SUSD4: variants seen among roughly 807,000 people sequenced by gnomAD.
The protein encoded by SUSD4 is sushi domain containing 4.
Under a neutral mutation model 50.5 loss-of-function variants are expected in SUSD4, and 41 were observed. The ratio of observed to expected loss-of-function variants is 0.81; its 90% CI spans 0.63 to 1.05. The LOEUF is 1.05. Among genes scored for constraint, SUSD4 ranks in the 50% least tolerant of loss-of-function variants. The probability of loss-of-function intolerance (pLI) is 0.00; values close to 1 mark genes in which losing one functional copy is unlikely to be tolerated. For missense variants in SUSD4, 580 were observed against 634.7 expected, an observed-to-expected ratio of 0.91 and a Z score of 0.93; for synonymous variants, 257 against 257.3, an observed-to-expected ratio of 1.00 and a Z score of 0.01.
At chr1:223,291,619 T>C (rs1664499302) in intron 3 of SUSD4, among the ~76,000 whole-genome samples, 2 of 151,876 alleles carry the variant, frequency 1.3e-5, no homozygotes, top group African/African-American at 4.8e-5. Flanking sequence ...ATAAAATCAG[T>C]GTTAAGAGAA....
At chr1:223,232,419 G>A (rs1421327992) in intron 5 of SUSD4, among the ~76,000 whole-genome samples, 5 of 152,144 alleles carry the variant, frequency 3.3e-5, no homozygotes, top group Admixed American at 2.6e-4. Context: ...TTTTATGAAA[G>A]AGAAAAAGAG....
intron 2 of SUSD4, among the ~76,000 whole-genome samples, chr1:223,349,833 G>A (rs886940891): frequency 3.3e-5 from 5 of 152,154 alleles, no homozygotes; most frequent in Non-Finnish European, 5.9e-5. Flanking sequence ...ATTAACATTT[G>A]TCTTCCTTTC....
intron 5 of SUSD4, among the ~76,000 whole-genome samples, chr1:223,244,706 G>A (rs1350141053): frequency 6.6e-6 from 1 of 152,104 alleles, no homozygotes; most frequent in Non-Finnish European, 1.5e-5. Flanking sequence ...ATACAGGGTG[G>A]TAGGGAGCTG....
rs1239409764 is a variant in SUSD4 at position 223,224,862 on chromosome 1, C to CTTCTTT, written c.1062-1232_1062-1231insAAAGAA. Reference sequence around the variant, plus strand: ...GTAGCCAATAGAACTTGGTTTCTTCCTTTTTTTTTTTTTTTTTTTTTTTTT... The same window carrying CTTCTTT: ...GTAGCCAATAGAACTTGGTTTCTTCCTTCTTTTTTTTTTTTTTTTTTTTTTTTTTTT... On this transcript the variant is annotated intron_variant, in intron 7 of 8. Transcript: ENST00000366878. Among the ~76,000 whole-genome samples, 429 of 59,358 alleles carry CTTCTTT rather than the reference C, an allele frequency of 7.2e-3. 11 individuals are homozygous for CTTCTTT. The East Asian group carries it at 0.079, about 11-fold the overall frequency. 38.9% of individuals were successfully genotyped at this position (59,358 alleles called of 152,430 possible).
rs942199563 is a variant in SUSD4, at chr1:223,292,538, C to T, written c.262G>A (p.Gly88Arg). 6.4e-5 allele frequency: 103 copies of T among 1,614,004 alleles called. No individual in the cohort carries two copies. Among genetic ancestry groups the T allele is most frequent in the East Asian group, 2.7e-4 (12 of 44,892 alleles). ...TTTGTAGCGCCCTTCAGCTTGAATC[C>T]GTCTTGGCAGTGAAATCGGGCTACA... ...GSVARFHCQD[G>R]FKLKGATKRL... The change falls in exon 3 of 9, where the codon GGA (glycine) becomes AGA (arginine). Residue 88 changes from glycine to arginine, a missense_variant. Physicochemically the swap from Gly to Arg is moderately radical, Grantham distance 125. Coordinates refer to ENST00000366878, the MANE Select transcript of SUSD4 (RefSeq NM_017982.4).
intron 3 of SUSD4, among the ~76,000 whole-genome samples, chr1:223,277,445 C>G (rs2138967): frequency 0.83 from 125,622 of 151,996 alleles, 52,307 homozygotes; most frequent in African/African-American, 0.93. Flanking sequence ...TAACCAGGGA[C>G]CCTGGGACAA....
At chr1:223,284,522 T>TACAA (rs1664001073) in intron 3 of SUSD4, among the ~76,000 whole-genome samples, 1 of 152,216 alleles carries the variant, frequency 6.6e-6, no homozygotes, top group Non-Finnish European at 1.5e-5. Context: ...AGGGTTGCTG[T>TACAA]AGTAATTAAA....
chr1:223,248,976 G>C (rs969634644), intron 5 of SUSD4, among the ~76,000 whole-genome samples: 3 of 152,106 alleles, frequency 2.0e-5, no homozygotes, highest in Non-Finnish European at 4.4e-5. Flanking sequence ...ACAGCAGCGG[G>C]GAATGGCTGG....
chr1:223,238,195 A>G (rs1387339832), intron 5 of SUSD4, among the ~76,000 whole-genome samples: 2 of 151,118 alleles, frequency 1.3e-5, no homozygotes, highest in Admixed American at 1.3e-4. Context: ...AGTGATGTCC[A>G]CTCTTTCATT....
In SUSD4 at chr1:223,227,146, G is replaced by T. The variant is rs1332523171; in HGVS notation, c.1061+448C>A. Among the ~76,000 whole-genome samples the T allele has an allele frequency of 6.6e-6, 1 of 152,172 alleles. No individual in the cohort carries two copies. Among genetic ancestry groups the T allele is most frequent in the Non-Finnish European group, 1.5e-5 (1 of 68,028 alleles). On this transcript the variant is annotated intron_variant, in intron 7 of 8. Transcript: ENST00000366878. This position sits in a 1 kb window ranked among gnomAD's most constrained non-coding sequence, Gnocchi z 4.5. ...ATCAGAAAAGTCTTTTCTCCTTCCT[G>T]AGGCTTCTCAATGCATAACACTTTT...
intron 2 of SUSD4, among the ~76,000 whole-genome samples, chr1:223,350,252 C>T (rs561088654): frequency 2.0e-5 from 3 of 152,288 alleles, no homozygotes; most frequent in African/African-American, 7.2e-5. Flanking sequence ...TCCTGAGGGC[C>T]GGGACTGTAC....
At position 223,227,515 on chromosome 1, in the gene SUSD4, A is replaced by T. The variant is rs1659596413; in HGVS notation, c.1061+79T>A. ...CCTTTAGAGCTTCAACTTTTCACTCATCACTTTCTCCCTCTGCTGCTAAGG... is the reference window on the plus strand; with the variant it reads ...CCTTTAGAGCTTCAACTTTTCACTCTTCACTTTCTCCCTCTGCTGCTAAGG... On this transcript the variant is annotated intron_variant, in intron 7 of 8. Coordinates refer to ENST00000366878, the MANE Select transcript of SUSD4 (RefSeq NM_017982.4). This position sits in a 1 kb window ranked among gnomAD's most constrained non-coding sequence, Gnocchi z 4.5. 3 of 1,542,720 alleles carry T rather than the reference A, an allele frequency of 1.9e-6. No homozygotes were observed. The highest frequency in any genetic ancestry group is 2.6e-6 in the Non-Finnish European group (3 of 1,135,138).
At chr1:223,319,709 G>A (rs1488640324) in intron 2 of SUSD4, among the ~76,000 whole-genome samples, 1 of 152,182 alleles carries the variant, frequency 6.6e-6, no homozygotes, top group African/African-American at 2.4e-5. Flanking sequence ...TCTTTTCTGG[G>A]GGCATGTTTC....
At chr1:223,244,046 T>C (rs1660760134) in intron 5 of SUSD4, among the ~76,000 whole-genome samples, 3 of 152,212 alleles carry the variant, frequency 2.0e-5, no homozygotes, top group Admixed American at 2.0e-4. Flanking sequence ...AGTAAACGCA[T>C]AGATATTTAT....
At chr1:223,313,901 A>G (rs1327477826) in intron 2 of SUSD4, among the ~76,000 whole-genome samples, 1 of 152,144 alleles carries the variant, frequency 6.6e-6, no homozygotes, top group Non-Finnish European at 1.5e-5. Flanking sequence ...CATATGGTCT[A>G]AAAAGGAGAG....
At chr1:223,298,284 C>T (rs1046216544) in intron 2 of SUSD4, among the ~76,000 whole-genome samples, 1 of 152,194 alleles carries the variant, frequency 6.6e-6, no homozygotes, top group Non-Finnish European at 1.5e-5. Flanking sequence ...CACTGACAGT[C>T]CCAGGAGCTT....
chr1:223,321,756 C>T (rs1666586151), intron 2 of SUSD4, among the ~76,000 whole-genome samples: 1 of 152,156 alleles, frequency 6.6e-6, no homozygotes, highest in South Asian at 2.1e-4. Flanking sequence ...AAATAAAAAG[C>T]ATAGTATTAT....
intron 6 of SUSD4, among the ~76,000 whole-genome samples, chr1:223,228,097 G>T (rs545067378): frequency 6.6e-6 from 1 of 152,208 alleles, no homozygotes; most frequent in African/African-American, 2.4e-5. Context: ...ACCAAGGGGT[G>T]GGGGAGTGGG....
chr1:223,278,533 G>T (rs1444500664), intron 3 of SUSD4, among the ~76,000 whole-genome samples: 2 of 152,214 alleles, frequency 1.3e-5, no homozygotes, highest in African/African-American at 4.8e-5. Context: ...GCCCACCATT[G>T]CTGAGGCTTG....
Sources: allele counts gnomAD v4.1 joint callset (sites outside exome capture counted in the v4.1 genomes callset), GRCh38; gene constraint gnomAD v4.1.1; non-coding constraint Gnocchi (gnomAD v3.1); transcripts MANE v1.5; gene names NCBI Gene and HGNC (gene_info 2026-07-23, HGNC 2026-07-21).